ADGRA1: variants seen among roughly 807,000 people sequenced by gnomAD.
The protein encoded by ADGRA1 is adhesion G protein-coupled receptor A1, also known as G-protein coupled receptor 123.
Under a neutral mutation model 21.3 loss-of-function variants are expected in ADGRA1, and 12 were observed. The observed-to-expected ratio is 0.56, with a 90% CI of 0.36 to 0.91. The LOEUF (loss-of-function observed/expected upper bound fraction) is 0.91. Among genes scored for constraint, ADGRA1 ranks in the 40% least tolerant of loss-of-function variants. The pLI is 0.01. For missense variants in ADGRA1, 790 were observed against 805.6 expected, an observed-to-expected ratio of 0.98 and a Z score of 0.23; for synonymous variants, 385 against 368.8, an observed-to-expected ratio of 1.04 and a Z score of -0.50.
intron 4 of ADGRA1, 104 bp from the exon 5 acceptor site, chr10:133,102,593 C>T (rs1440464248): frequency 1.0e-5 from 14 of 1,346,296 alleles, no homozygotes; most frequent in East Asian, 5.0e-5. Flanking sequence ...CGCTGCTGGC[C>T]GCCTGCCGTT....
Position 133,129,374 on chromosome 10 carries a change from A to T in ADGRA1, c.1546A>T (p.Arg516Trp). 1 of 1,602,878 alleles carries T rather than the reference A, an allele frequency of 6.2e-7. No homozygotes were observed. The change falls in exon 7 of 7, where the codon AGG (arginine) becomes TGG (tryptophan). Residue 516 changes from arginine to tryptophan, a missense_variant. Coordinates refer to ENST00000392607, the MANE Select transcript of ADGRA1 (RefSeq NM_001083909.3). ...GCCCGGCCACTTGGAGATGCTGCGGAGGACACAGTCCCTGCCCTTTGGTGG... is the reference window on the plus strand; with the variant it reads ...GCCCGGCCACTTGGAGATGCTGCGGTGGACACAGTCCCTGCCCTTTGGTGG... ...LGPGHLEMLR[R>W]TQSLPFGGPS...
At chr10:133,101,488 T>A (rs1851793770) in intron 4 of ADGRA1, among the ~76,000 whole-genome samples, 1 of 152,208 alleles carries the variant, frequency 6.6e-6, no homozygotes, top group Non-Finnish European at 1.5e-5. Context: ...CTGAAGTCGG[T>A]GTCCAGGACT....
intron 5 of ADGRA1, among the ~76,000 whole-genome samples, chr10:133,122,378 A>G (rs1187506492): frequency 2.0e-5 from 3 of 152,132 alleles, no homozygotes; most frequent in Non-Finnish European, 2.9e-5. Flanking sequence ...ATCAGCTCCA[A>G]CCAGCAGCGG....
chr10:133,108,667 G>A (rs1269953599), intron 5 of ADGRA1, among the ~76,000 whole-genome samples: 1 of 152,158 alleles, frequency 6.6e-6, no homozygotes, highest in East Asian at 1.9e-4. Flanking sequence ...TCTGTTGCCA[G>A]TCCACAAAAC....
chr10:133,121,272 G>A (rs1427207995), intron 5 of ADGRA1, among the ~76,000 whole-genome samples: 2 of 152,188 alleles, frequency 1.3e-5, no homozygotes, highest in African/African-American at 4.8e-5. Flanking sequence ...GCTCAACCCG[G>A]GGTTCCCACA....
chr10:133,115,793 G>A (rs1472900450), intron 5 of ADGRA1, among the ~76,000 whole-genome samples: 1 of 152,100 alleles, frequency 6.6e-6, no homozygotes, highest in Non-Finnish European at 1.5e-5. Context: ...ACGTTCCCTT[G>A]TCCTCTGAGC....
Position 133,105,023 on chromosome 10 carries a change from T to A in ADGRA1, c.401+2181T>A, listed in dbSNP as rs537385275. On this transcript the variant is annotated intron_variant, in intron 5 of 6. Coordinates refer to ENST00000392607, the MANE Select transcript of ADGRA1 (RefSeq NM_001083909.3). ...CCTCCCCCTCCTCCACCAGGAAACC[T>A]CCTCATCAGAGAAGCCCCTCCCAGC... is the stretch of plus-strand genomic sequence containing the variant. 2.0e-5 allele frequency among the ~76,000 whole-genome samples: 3 copies of A among 152,034 alleles called. No homozygotes were observed. In the South Asian group the frequency reaches 6.2e-4, roughly 32 times the overall value.
At position 133,091,317 on chromosome 10, in the gene ADGRA1, G is replaced by A. The variant is rs573238383; in HGVS notation, c.3+2405G>A. Among the ~76,000 whole-genome samples, 258 of 151,932 alleles carry A rather than the reference G, an allele frequency of 1.7e-3. 1 individual carries two copies. The highest frequency in any genetic ancestry group is 3.4e-3 in the Non-Finnish European group (231 of 67,888). ...GGTGCAGTGTGGTTGCCGTGGGATGGGCGGTGTGGCTGGTGCAGTGTGGTT... is the reference window on the plus strand; with the variant it reads ...GGTGCAGTGTGGTTGCCGTGGGATGAGCGGTGTGGCTGGTGCAGTGTGGTT... On this transcript the variant is annotated intron_variant, in intron 2 of 6. Coordinates refer to ENST00000392607, the MANE Select transcript of ADGRA1 (RefSeq NM_001083909.3).
At chr10:133,105,990 C>T (rs1282959417) in intron 5 of ADGRA1, among the ~76,000 whole-genome samples, 1 of 152,246 alleles carries the variant, frequency 6.6e-6, no homozygotes, top group African/African-American at 2.4e-5. Context: ...CACCTGGTCT[C>T]ATCTCCCCTT....
At position 133,127,269 on chromosome 10, in the gene ADGRA1, C is replaced by T; in HGVS notation, c.438C>T (p.Ile146=). ...TCAGCGGAGGGGTCCCCTTTATCAT[C>T]TGTGGGGTCACGGCTGCCACGAACA... ...YLVSGGVPFI[I]CGVTAATNIR... The change falls in exon 6 of 7, where the codon ATC becomes ATT. Residue 146 remains isoleucine (I), a synonymous_variant. Coordinates refer to ENST00000392607, the MANE Select transcript of ADGRA1 (RefSeq NM_001083909.3). 2 of 1,598,936 alleles carry T rather than the reference C, an allele frequency of 1.3e-6. No individual in the cohort carries two copies. The highest frequency in any genetic ancestry group is 1.7e-6 in the Non-Finnish European group (2 of 1,174,042).
rs925173684 is a variant in ADGRA1 at position 133,095,891 on chromosome 10, C to G, written c.4-1083C>G. 3 of 1,350,130 alleles carry G rather than the reference C, an allele frequency of 2.2e-6. No individual in the cohort carries two copies. The African/African-American group carries it at 4.3e-5, about 20-fold the overall frequency. 83.6% of individuals were successfully genotyped at this position (1,350,130 alleles called of 1,614,324 possible). ...GCCCGGCCGGCTGCCTCCTCCTGCC[C>G]CGATGCCCAGGGCAGCATCCATGGC... On this transcript the variant is annotated intron_variant, in intron 2 of 6. Coordinates refer to ENST00000392607, the MANE Select transcript of ADGRA1 (RefSeq NM_001083909.3).
intron 5 of ADGRA1, among the ~76,000 whole-genome samples, chr10:133,119,668 G>A (rs1852221166): frequency 6.6e-6 from 1 of 152,230 alleles, no homozygotes; most frequent in African/African-American, 2.4e-5. Flanking sequence ...TCCATAAGAA[G>A]CAACTCCTCA....
At chr10:133,092,666 A>G (rs1851613352) in intron 2 of ADGRA1, among the ~76,000 whole-genome samples, 1 of 152,032 alleles carries the variant, frequency 6.6e-6, no homozygotes, top group Non-Finnish European at 1.5e-5. Context: ...CCAGGAAGTA[A>G]AACAGGGAGA....
chr10:133,095,136 A>T (rs1851665048), intron 2 of ADGRA1, among the ~76,000 whole-genome samples: 1 of 152,130 alleles, frequency 6.6e-6, no homozygotes, highest in South Asian at 2.1e-4. Flanking sequence ...CCCTGGGCTG[A>T]TCTCTGGGGG....
rs562362577 is a variant in ADGRA1 at position 133,112,671 on chromosome 10, G to A, written c.401+9829G>A. ...CCGTTATTTGGGGTCTGTGGGCCAT[G>A]TCGGTTATTTGGGGTCTACGGGCCA... On this transcript the variant is annotated intron_variant, in intron 5 of 6. Coordinates refer to ENST00000392607, the MANE Select transcript of ADGRA1 (RefSeq NM_001083909.3). Among the ~76,000 whole-genome samples the A allele has an allele frequency of 2.6e-4, 39 of 147,698 alleles. 1 individual carries two copies. The East Asian group carries it at 8.1e-3, about 31-fold the overall frequency.
At position 133,122,993 on chromosome 10, in the gene ADGRA1, G is replaced by A. The variant is rs141144032; in HGVS notation, c.402-4240G>A. Among the ~76,000 whole-genome samples the A allele has an allele frequency of 3.2e-3, 486 of 152,314 alleles. 3 individuals are homozygous for A. Among genetic ancestry groups the A allele is most frequent in the African/African-American group, 0.011 (461 of 41,548 alleles). ...CCCATCCTGTAACCGTCGGTAGCTGGGGCTCCCCATGTCCATGGCTGCACG... is the reference window on the plus strand; with the variant it reads ...CCCATCCTGTAACCGTCGGTAGCTGAGGCTCCCCATGTCCATGGCTGCACG... On this transcript the variant is annotated intron_variant, in intron 5 of 6. Transcript: ENST00000392607.
intron 2 of ADGRA1, among the ~76,000 whole-genome samples, chr10:133,090,651 G>A (rs1851583364): frequency 6.6e-6 from 1 of 152,134 alleles, no homozygotes; most frequent in Non-Finnish European, 1.5e-5. Context: ...TCTTGAGAAG[G>A]AAGCCTGGAG....
Position 133,088,850 on chromosome 10 carries a change from T to A in ADGRA1, c.-60T>A. 1.6e-6 allele frequency: 2 copies of A among 1,236,982 alleles called. No homozygotes were observed. Among genetic ancestry groups the A allele is most frequent in the Non-Finnish European group, 2.0e-6 (2 of 988,020 alleles). The allele number at this position is 1,236,982 out of a possible 1,614,324, so 76.6% of individuals were successfully genotyped here. On this transcript the variant is annotated 5_prime_UTR_variant, in exon 2 of 7. Coordinates refer to ENST00000392607, the MANE Select transcript of ADGRA1 (RefSeq NM_001083909.3). ...TGGCGGGGAGCAGGGCGCCACCTGA[T>A]CGCCTCCCCCTGGACGCCTCCTCCA...
chr10:133,112,702 G>T (rs1437476239), intron 5 of ADGRA1, among the ~76,000 whole-genome samples: 4 of 148,928 alleles, frequency 2.7e-5, no homozygotes, highest in African/African-American at 9.9e-5. Flanking sequence ...GGCCACGTCA[G>T]TTATTTGGGG....
Sources: allele counts gnomAD v4.1 joint callset (sites outside exome capture counted in the v4.1 genomes callset), GRCh38; gene constraint gnomAD v4.1.1; transcripts MANE v1.5; gene names NCBI Gene and HGNC (gene_info 2026-07-23, HGNC 2026-07-21).